Variants in ATP8A2 observed in about 807,000 individuals in gnomAD.
ATP8A2 encodes the protein ATPase phospholipid transporting 8A2.
Under a neutral mutation model 165.6 loss-of-function variants are expected in ATP8A2, and 100 were observed. The ratio of observed to expected loss-of-function variants is 0.60; its 90% CI spans 0.51 to 0.71. The LOEUF (loss-of-function observed/expected upper bound fraction) is 0.71, where lower values mean the gene tolerates loss of function less well. Among genes scored for constraint, ATP8A2 ranks in the 30% least tolerant of loss-of-function variants. ATP8A2 has a pLI of 0.00. For synonymous variants in ATP8A2, 543 were observed against 548.8 expected, an observed-to-expected ratio of 0.99 and a Z score of 0.15; for missense variants, 1,227 against 1,479.5, an observed-to-expected ratio of 0.83 and a Z score of 2.80.
At chr13:25,396,647 C>T (rs999395405) in intron 1 of ATP8A2, among the ~76,000 whole-genome samples, 1 of 152,152 alleles carries the variant, frequency 6.6e-6, no homozygotes, top group Non-Finnish European at 1.5e-5. Context: ...GCATTACTAT[C>T]TTCATGTTCC....
intron 1 of ATP8A2, among the ~76,000 whole-genome samples, chr13:25,464,598 G>T (rs879895077): frequency 2.0e-5 from 3 of 152,154 alleles, no homozygotes; most frequent in Admixed American, 6.5e-5. Flanking sequence ...GTTCCCAGAA[G>T]AGAGACCCTT....
chr13:25,559,533 A>G (rs903829199), intron 14 of ATP8A2, among the ~76,000 whole-genome samples, 188 bp from the exon 15 acceptor site: 7 of 152,210 alleles, frequency 4.6e-5, no homozygotes, highest in African/African-American at 1.7e-4. Context: ...CTCTGTCTCA[A>G]AACAAAAACA....
At chr13:25,436,260 C>T (rs2034772495) in intron 1 of ATP8A2, among the ~76,000 whole-genome samples, 1 of 152,068 alleles carries the variant, frequency 6.6e-6, no homozygotes, top group Non-Finnish European at 1.5e-5. Flanking sequence ...TCCTCAGCCC[C>T]TACCCCGTCC....
At chr13:25,439,699 C>T (rs566660101) in intron 1 of ATP8A2, among the ~76,000 whole-genome samples, 1 of 152,206 alleles carries the variant, frequency 6.6e-6, no homozygotes, top group African/African-American at 2.4e-5. Flanking sequence ...ATCACTTGAA[C>T]CCAGAAGTTT....
intron 2 of ATP8A2, among the ~76,000 whole-genome samples, chr13:25,502,979 T>A (rs2036904391): frequency 6.6e-6 from 1 of 152,182 alleles, no homozygotes; most frequent in Non-Finnish European, 1.5e-5. Flanking sequence ...TGGGGAAGAC[T>A]TGACCAAACT....
chr13:25,886,579 A>C (rs1379133950), intron 33 of ATP8A2, among the ~76,000 whole-genome samples: 2 of 152,196 alleles, frequency 1.3e-5, no homozygotes, highest in Non-Finnish European at 2.9e-5. Flanking sequence ...CACCCGCTCC[A>C]TGTGCGCTGG....
chr13:25,759,795 G>A (rs1359253509), intron 25 of ATP8A2, among the ~76,000 whole-genome samples: 1 of 152,122 alleles, frequency 6.6e-6, no homozygotes, highest in Non-Finnish European at 1.5e-5. Context: ...CTATAAAACT[G>A]TATATAATTC....
intron 24 of ATP8A2, among the ~76,000 whole-genome samples, chr13:25,594,814 C>T (rs1347470579): frequency 1.3e-5 from 2 of 152,020 alleles, no homozygotes; most frequent in Non-Finnish European, 2.9e-5. Flanking sequence ...ACCATTTGAT[C>T]CAGGAATCCC....
Position 25,532,182 on chromosome 13 carries a change from C to G in ATP8A2, c.421-90C>G. 5.9e-6 allele frequency: 6 copies of G among 1,009,242 alleles called. No homozygotes were observed. In the South Asian group the frequency reaches 7.2e-5, roughly 12 times the overall value. 62.5% of individuals were successfully genotyped at this position (1,009,242 alleles called of 1,614,324 possible). On this transcript the variant is annotated intron_variant, in intron 4 of 36. Transcript: ENST00000381655. ...ATTATTGGCATTTAGTTTCCTTGTC[C>G]CCTGTAATTTCCTGATTGTTTTGTT...
intron 25 of ATP8A2, among the ~76,000 whole-genome samples, chr13:25,765,388 C>T (rs217886): frequency 0.72 from 108,826 of 152,036 alleles, 39,626 homozygotes; most frequent in South Asian, 0.8. Flanking sequence ...TGGCATGTGA[C>T]TCCAGGTCAC....
At chr13:26,016,869 G>C (rs1041849274) in intron 36 of ATP8A2, among the ~76,000 whole-genome samples, 1 of 152,170 alleles carries the variant, frequency 6.6e-6, no homozygotes, top group East Asian at 1.9e-4. Context: ...AGGACTGGAG[G>C]TTGAGAGAAC....
intron 35 of ATP8A2, among the ~76,000 whole-genome samples, chr13:25,997,653 T>C (rs977301048): frequency 2.0e-5 from 3 of 151,798 alleles, no homozygotes; most frequent in Admixed American, 6.5e-5. Context: ...ACTGGGTAAT[T>C]TCTACTGTTC....
At chr13:25,732,056 C>T (rs2043660617) in intron 25 of ATP8A2, among the ~76,000 whole-genome samples, 1 of 152,150 alleles carries the variant, frequency 6.6e-6, no homozygotes, top group Admixed American at 6.5e-5. Context: ...CTGTGCTGTT[C>T]ACCTCCCACC....
At chr13:25,583,618 G>A (rs937531965) in intron 23 of ATP8A2, among the ~76,000 whole-genome samples, 3 of 152,032 alleles carry the variant, frequency 2.0e-5, no homozygotes, top group African/African-American at 7.3e-5. Flanking sequence ...TTTCGTGTGT[G>A]TTCATTTTAT....
chr13:25,860,181 T>G lies in ATP8A2; in HGVS notation c.2957-14T>G. ...AGCTTCTTGGATGTTAATAGTAACT[T>G]CTTTGTTTTTCAGATACTGTGTTGA... is the stretch of plus-strand genomic sequence containing the variant. On this transcript the variant is annotated splice_polypyrimidine_tract_variant and intron_variant, in intron 30 of 36. Transcript: ENST00000381655. 6.2e-7 allele frequency: 1 copy of G among 1,600,574 alleles called. No homozygotes were observed. The highest frequency in any genetic ancestry group is 8.6e-7 in the Non-Finnish European group (1 of 1,168,242).
intron 1 of ATP8A2, among the ~76,000 whole-genome samples, chr13:25,390,623 T>C (rs1300463370): frequency 6.6e-6 from 1 of 152,140 alleles, no homozygotes; most frequent in Non-Finnish European, 1.5e-5. Flanking sequence ...TTCTTTCACT[T>C]ACATACTGCT....
At chr13:25,772,395 C>G (rs563799300) in intron 26 of ATP8A2, among the ~76,000 whole-genome samples, 3 of 152,122 alleles carry the variant, frequency 2.0e-5, no homozygotes, top group Non-Finnish European at 4.4e-5. Flanking sequence ...GGGTCCCGGT[C>G]AAATACAAAC....
rs907322920 is a variant in ATP8A2, at chr13:25,419,371, G to GC, written c.76+47088dup. ...CCCCATCACTAGGCTCATGGCTGAG[G>GC]CCCCCATCTGTTAAAAAAGGCAGGT... On this transcript the variant is annotated intron_variant, in intron 1 of 36. Coordinates refer to ENST00000381655, the MANE Select transcript of ATP8A2 (RefSeq NM_016529.6). Among the ~76,000 whole-genome samples the GC allele has an allele frequency of 2.0e-5, 3 of 152,112 alleles. No homozygotes were observed. In the East Asian group the frequency reaches 5.8e-4, roughly 29 times the overall value.
intron 33 of ATP8A2, among the ~76,000 whole-genome samples, chr13:25,941,293 G>T (rs1192704214): frequency 1.3e-5 from 2 of 152,088 alleles, no homozygotes; most frequent in Non-Finnish European, 2.9e-5. Context: ...TGCTGCCTTG[G>T]TGACTGTTCC....
Sources: allele counts gnomAD v4.1 joint callset (sites outside exome capture counted in the v4.1 genomes callset), GRCh38; gene constraint gnomAD v4.1.1; transcripts MANE v1.5; gene names NCBI Gene and HGNC (gene_info 2026-07-23, HGNC 2026-07-21).